The following HADHA variants were observed in gnomAD, a reference collection of about 807,000 sequenced individuals.
HADHA encodes the protein hydroxyacyl-CoA dehydrogenase trifunctional multienzyme complex subunit alpha, also known as trifunctional enzyme subunit alpha, mitochondrial.
A neutral mutation model predicts 91.3 loss-of-function variants in HADHA; 59 were observed. The observed-to-expected ratio is 0.65, with a 90% confidence interval of 0.52 to 0.80. The LOEUF (loss-of-function observed/expected upper bound fraction) is 0.80, where lower values mean the gene tolerates loss of function less well. Among genes scored for constraint, HADHA ranks in the 30% least tolerant of loss-of-function variants. The pLI is 0.00. For missense variants in HADHA, 800 were observed against 927.6 expected, an observed-to-expected ratio of 0.86 and a Z score of 1.79; for synonymous variants, 320 against 338.9, an observed-to-expected ratio of 0.94 and a Z score of 0.61.
intron 1 of HADHA, among the ~76,000 whole-genome samples, chr2:26,240,637 T>C (rs778195656): frequency 5.3e-5 from 8 of 152,020 alleles, no homozygotes; most frequent in Non-Finnish European, 1.0e-4. Context: ...TGAGCATGGG[T>C]TGCAATATTT....
intron 14 of HADHA, among the ~76,000 whole-genome samples, 156 bp from the exon 15 acceptor site, chr2:26,195,388 TA>T (rs1377986579): frequency 6.6e-6 from 1 of 152,054 alleles, no homozygotes; most frequent in Non-Finnish European, 1.5e-5. Context: ...GGGTCTTTGA[TA>T]AAAGTTTAGT....
chr2:26,191,122 A>G lies in HADHA; in HGVS notation c.*128T>C. On this transcript the variant is annotated 3_prime_UTR_variant, in exon 20 of 20. Coordinates refer to ENST00000380649, the MANE Select transcript of HADHA (RefSeq NM_000182.5). ...GGTCTTGGCTGAAGGCACTTTAATC[A>G]GGGAGCAAACCCAGTGCCGGAGTTT... 1 of 920,346 alleles carries G rather than the reference A, an allele frequency of 1.1e-6. No homozygotes were observed. Among genetic ancestry groups the G allele is most frequent in the Non-Finnish European group, 1.7e-6 (1 of 575,612 alleles). 57.0% of individuals were successfully genotyped at this position (920,346 alleles called of 1,614,324 possible). A position where few individuals can be genotyped will look rare whatever the true frequency, so the allele number is the denominator to read the frequency against.
At chr2:26,205,817 TTC>T (rs1404189594) in intron 11 of HADHA, among the ~76,000 whole-genome samples, 1 of 151,714 alleles carries the variant, frequency 6.6e-6, no homozygotes. Context: ...AAAAAAAAAA[TTC>T]TGTTTGACAA....
chr2:26,212,491 T>C, intron 10 of HADHA, 79 bp downstream of exon 10: 1 of 1,035,768 alleles, frequency 9.7e-7, no homozygotes, highest in East Asian at 2.4e-5. Context: ...ATTTTTTTCC[T>C]TTTTCAGCTT....
chr2:26,214,958 A>G lies in HADHA; in HGVS notation c.799+95T>C, dbSNP rs1293618923. On this transcript the variant is annotated intron_variant, in intron 8 of 19. Coordinates refer to ENST00000380649, the MANE Select transcript of HADHA (RefSeq NM_000182.5). The surrounding 1 kb of genome is among the most constrained non-coding windows in gnomAD (Gnocchi z 4.1). ...GCTGACTTTATGCTTTGAGTAAATA[A>G]TGCATTTACCACTTCCTCATTTTGA... 4.5e-6 allele frequency: 5 copies of G among 1,101,818 alleles called. No individual in the cohort carries two copies. The highest frequency in any genetic ancestry group is 7.0e-6 in the Non-Finnish European group (5 of 718,298). 68.3% of individuals were successfully genotyped at this position (1,101,818 alleles called of 1,614,324 possible). A position where few individuals can be genotyped will look rare whatever the true frequency, so the allele number is the denominator to read the frequency against.
intron 12 of HADHA, among the ~76,000 whole-genome samples, chr2:26,202,367 T>G (rs1427949577): frequency 1.3e-5 from 2 of 152,172 alleles, no homozygotes; most frequent in African/African-American, 4.8e-5. Context: ...AAATGAAGAA[T>G]GAAGCTAAAC....
At chr2:26,206,668 T>C (rs1011173132) in intron 11 of HADHA, among the ~76,000 whole-genome samples, 1 of 152,246 alleles carries the variant, frequency 6.6e-6, no homozygotes, top group Non-Finnish European at 1.5e-5. Context: ...ATAGTAATTC[T>C]ACTCGTCATT....
chr2:26,198,090 G>A (rs572849262), intron 13 of HADHA, among the ~76,000 whole-genome samples: 7 of 152,222 alleles, frequency 4.6e-5, no homozygotes, highest in African/African-American at 1.7e-4. Flanking sequence ...CTGAAAAGAC[G>A]GCCTTGAATT....
At chr2:26,211,370 C>A (rs1276515499) in intron 10 of HADHA, among the ~76,000 whole-genome samples, 3 of 151,780 alleles carry the variant, frequency 2.0e-5, no homozygotes, top group Non-Finnish European at 4.4e-5. Flanking sequence ...GGTTGAGCAT[C>A]CCTAATCTGA....
At chr2:26,220,245 G>C (rs780375137) in intron 7 of HADHA, among the ~76,000 whole-genome samples, 17 of 152,168 alleles carry the variant, frequency 1.1e-4, no homozygotes, top group Non-Finnish European at 1.9e-4. Flanking sequence ...CCCATCCTGC[G>C]GTTATTTTCC....
At chr2:26,243,198 C>G (rs891821585) in intron 1 of HADHA, 1 of 152,222 alleles carries the variant, frequency 6.6e-6, no homozygotes, top group Non-Finnish European at 1.5e-5. Context: ...ACTAGAACCA[C>G]GTGCCCTGGC....
chr2:26,192,660 C>G (rs772328778), intron 17 of HADHA, among the ~76,000 whole-genome samples: 1 of 151,946 alleles, frequency 6.6e-6, no homozygotes, highest in Non-Finnish European at 1.5e-5. Context: ...GCAGGAGGAT[C>G]GCTTGAACCC....
chr2:26,238,874 C>T (rs1193392256), intron 3 of HADHA, 60 bp downstream of exon 3: 17 of 978,048 alleles, frequency 1.7e-5, no homozygotes, highest in Non-Finnish European at 2.5e-5. Flanking sequence ...ACATCTTTCC[C>T]ATTCAGGACT....
rs1204190984 is a variant in HADHA at position 26,191,602 on chromosome 2, C to A, written c.2027G>T (p.Arg676Leu). 2.5e-6 allele frequency: 4 copies of A among 1,613,914 alleles called. No homozygotes were observed. The African/African-American group carries it at 4.0e-5, about 16-fold the overall frequency. ...CTCATTCACAAATCTTGTCACCAGG[C>A]GGAACTGGATGTCTTCGTCTGATGA... ...EVSSDEDIQF[R>L]LVTRFVNEAV... Residue 676 changes from arginine to leucine, a missense_variant, in exon 19 of 20, where the codon CGC becomes CTC. Arg to Leu is a moderately radical substitution (Grantham distance 102). Coordinates refer to ENST00000380649, the MANE Select transcript of HADHA (RefSeq NM_000182.5).
At chr2:26,218,411 A>G (rs985590997) in intron 7 of HADHA, among the ~76,000 whole-genome samples, 3 of 152,196 alleles carry the variant, frequency 2.0e-5, no homozygotes, top group Admixed American at 6.5e-5. Context: ...ACAGACCTAC[A>G]CTACAGAAAA....
In HADHA at chr2:26,192,426, TAA is replaced by T; in HGVS notation, c.1886-4_1886-3del. The stretch of plus-strand genomic sequence containing the variant: ...AAAAGCCCTTCCCAGATTTACGACC[TAA>T]AACAGGCAAGAAAAGGGAGTGTTAC... On this transcript the variant is annotated splice_region_variant and splice_polypyrimidine_tract_variant and intron_variant, in intron 17 of 19. Transcript: ENST00000380649. 1 of 1,460,510 alleles carries T rather than the reference TAA, an allele frequency of 6.8e-7. No homozygotes were observed. Among genetic ancestry groups the T allele is most frequent in the Non-Finnish European group, 9.6e-7 (1 of 1,039,914 alleles). The allele number at this position is 1,460,510 out of a possible 1,614,324, so 90.5% of individuals were successfully genotyped here. A position where few individuals can be genotyped will look rare whatever the true frequency, so the allele number is the denominator to read the frequency against.
chr2:26,215,143 T>C lies in HADHA; in HGVS notation c.709A>G (p.Ile237Val), dbSNP rs761542552. Residue 237 changes from isoleucine (I) to valine (V), a missense_variant, in exon 8 of 20, where the codon ATA (isoleucine) becomes GTA (valine). By Grantham distance (29) the Ile-to-Val change is conservative. Coordinates refer to ENST00000380649, the MANE Select transcript of HADHA (RefSeq NM_000182.5). ...PGLKPPEERT[I>V]EYLEEVAITF... ...ATTGCAACTTCTTCTAGGTATTCTA[T>C]TGTCCGTTCCTCTGGAGGTTTTAGT... 1 of 1,610,598 alleles carries C rather than the reference T, an allele frequency of 6.2e-7. No homozygotes were observed. The highest frequency in any genetic ancestry group is 1.1e-5 in the South Asian group (1 of 91,036).
chr2:26,220,594 G>C (rs2147773751), intron 7 of HADHA, among the ~76,000 whole-genome samples: 1 of 152,330 alleles, frequency 6.6e-6, no homozygotes, highest in South Asian at 2.1e-4. Flanking sequence ...AATTCTAACT[G>C]GTGTTCCAGA....
Position 26,191,261 on chromosome 2 carries a change from A to G in HADHA, c.2281T>C (p.Phe761Leu), listed in dbSNP as rs1352427438. ...GGCATGAGGCCTGCTCACTGGTAGA[A>G]CTTCTTGTTAGGGCTGTTAGCATGG... ...ADHANSPNKK[F>L]YQ is the part of the protein sequence containing the mutation. The change falls in exon 20 of 20, where the codon TTC becomes CTC. Residue 761 changes from phenylalanine (F) to leucine (L), a missense_variant. By Grantham distance (22) the Phe-to-Leu change is conservative. Transcript: ENST00000380649. The G allele has an allele frequency of 6.2e-7, 1 of 1,612,374 alleles. No homozygotes were observed. Among genetic ancestry groups the G allele is most frequent in the Non-Finnish European group, 8.5e-7 (1 of 1,179,994 alleles).
Sources: allele counts gnomAD v4.1 joint callset (sites outside exome capture counted in the v4.1 genomes callset), GRCh38; gene constraint gnomAD v4.1.1; non-coding constraint Gnocchi (gnomAD v3.1); transcripts MANE v1.5; gene names NCBI Gene and HGNC (gene_info 2026-07-23, HGNC 2026-07-21).